Variants in ARHGEF4 observed in about 807,000 individuals in gnomAD.
The protein encoded by ARHGEF4 is Rho guanine nucleotide exchange factor 4.
In ARHGEF4, 119 loss-of-function variants were observed where a neutral mutation model predicts 162.0. The observed-to-expected ratio is 0.73, with a 90% CI of 0.63 to 0.86. ARHGEF4 has a LOEUF of 0.86. Among genes scored for constraint, ARHGEF4 ranks in the 40% least tolerant of loss-of-function variants. The probability of loss-of-function intolerance (pLI) is 0.00; values close to 1 mark genes in which losing one functional copy is unlikely to be tolerated. For synonymous variants in ARHGEF4, 1,014 were observed against 979.9 expected (o/e 1.03, Z -0.65); for missense variants, 2,488 against 2,456.0 (o/e 1.01, Z -0.28).
At chr2:131,034,188 T>C (rs982332251) in intron 5 of ARHGEF4, among the ~76,000 whole-genome samples, 3 of 152,190 alleles carry the variant, frequency 2.0e-5, no homozygotes, top group African/African-American at 7.2e-5. Flanking sequence ...CTCCAGGAAC[T>C]CTTCTTGCTC....
intron 4 of ARHGEF4, among the ~76,000 whole-genome samples, chr2:131,005,235 G>A (rs1688046140): frequency 6.6e-6 from 1 of 152,160 alleles, no homozygotes; most frequent in South Asian, 2.1e-4. Context: ...GGGCAGAGCT[G>A]ACTTGACTGT....
chr2:130,924,200 A>G (rs1462790744), intron 2 of ARHGEF4, among the ~76,000 whole-genome samples: 2 of 151,176 alleles, frequency 1.3e-5, no homozygotes, highest in Non-Finnish European at 2.9e-5. Context: ...TCTTGATAGG[A>G]TTGTTTTCCT....
At chr2:130,967,330 C>A (rs531373390) in intron 4 of ARHGEF4, among the ~76,000 whole-genome samples, 1 of 152,172 alleles carries the variant, frequency 6.6e-6, no homozygotes, top group Non-Finnish European at 1.5e-5. Flanking sequence ...CTTTCTGCCC[C>A]GCTGTTCTCA....
chr2:130,900,937 C>T lies in ARHGEF4; in HGVS notation c.40-13049C>T, dbSNP rs547081384. On this transcript the variant is annotated intron_variant, in intron 1 of 13. Coordinates refer to ENST00000409359, the MANE Select transcript of ARHGEF4 (RefSeq NM_001367493.1). ...TGCAATGCTATCCTGGTTGGCTTCT[C>T]GCTTCTGCTTGGGCCTTCTTTTGAT... is the stretch of plus-strand genomic sequence containing the variant. Among the ~76,000 whole-genome samples the T allele has an allele frequency of 3.4e-4, 51 of 152,216 alleles. No homozygotes were observed. In the South Asian group the frequency reaches 4.2e-3, roughly 12 times the overall value.
intron 5 of ARHGEF4, among the ~76,000 whole-genome samples, 188 bp from the exon 6 acceptor site, chr2:131,038,665 C>G (rs912664679): frequency 6.6e-6 from 1 of 152,242 alleles, no homozygotes; most frequent in African/African-American, 2.4e-5. Flanking sequence ...CCTTGATAAT[C>G]TAGACATGCC....
At chr2:130,995,699 A>G (rs1687336038) in intron 4 of ARHGEF4, among the ~76,000 whole-genome samples, 1 of 152,130 alleles carries the variant, frequency 6.6e-6, no homozygotes, top group Non-Finnish European at 1.5e-5. Context: ...ACTTCGGTCC[A>G]ATTTCTAATT....
intron 2 of ARHGEF4, among the ~76,000 whole-genome samples, chr2:130,926,048 C>CTTTCTCTCTCTTTCTTTCTTTCTTTCTT: frequency 3.7e-5 from 2 of 53,412 alleles, no homozygotes; most frequent in African/African-American, 1.2e-4. Flanking sequence ...TTCTTTCTTT[C>CTTTCTCTCTCTTTCTTTCTTTCTTTCTT]TCTTTCTTTC....
At chr2:130,892,961 C>T (rs536530181) in intron 1 of ARHGEF4, among the ~76,000 whole-genome samples, 41 of 152,326 alleles carry the variant, frequency 2.7e-4, no homozygotes, top group Admixed American at 2.5e-3. Flanking sequence ...CTCAGAAAGG[C>T]GTTGGTTTAC....
At chr2:131,031,459 C>T (rs573588018) in intron 5 of ARHGEF4, among the ~76,000 whole-genome samples, 1 of 152,188 alleles carries the variant, frequency 6.6e-6, no homozygotes. Flanking sequence ...TGAGTACTTG[C>T]GTCAGGGACG....
At chr2:130,913,843 C>A in intron 1 of ARHGEF4, 143 bp from the exon 2 acceptor site, 2 of 991,828 alleles carry the variant, frequency 2.0e-6, no homozygotes, top group Non-Finnish European at 1.5e-6. Flanking sequence ...GCCCTTCATA[C>A]TTACCTCCCT....
intron 3 of ARHGEF4, among the ~76,000 whole-genome samples, chr2:130,944,447 AT>A (rs900388283): frequency 3.5e-4 from 53 of 152,052 alleles, no homozygotes; most frequent in African/African-American, 8.4e-4. Context: ...TTCTATTGGG[AT>A]TTTTTCCCCC....
At chr2:130,872,562 G>A (rs1457376618) in intron 1 of ARHGEF4, among the ~76,000 whole-genome samples, 2 of 152,060 alleles carry the variant, frequency 1.3e-5, no homozygotes, top group African/African-American at 4.8e-5. Flanking sequence ...CCGTCCCCGT[G>A]ACCACTGGGT....
chr2:131,043,566 C>T lies in ARHGEF4; in HGVS notation c.5140C>T (p.Leu1714Phe), dbSNP rs761405989. 2 of 1,614,092 alleles carry T rather than the reference C, an allele frequency of 1.2e-6. No homozygotes were observed. Among genetic ancestry groups the T allele is most frequent in the East Asian group, 2.2e-5 (1 of 44,884 alleles). Residue 1714 changes from leucine (L) to phenylalanine (F), a missense_variant, in exon 11 of 14, where the codon CTC becomes TTC. Transcript: ENST00000409359. Reference protein sequence around the residue: ...QRMFFLFDHQLIYCKKDLLRR... With the variant: ...QRMFFLFDHQFIYCKKDLLRR... Reference sequence around the variant, plus strand: ...AATGTTCTTTCTCTTTGACCACCAGCTCATCTACTGTAAGAAGGTACCAGA... The same window carrying T: ...AATGTTCTTTCTCTTTGACCACCAGTTCATCTACTGTAAGAAGGTACCAGA...
rs531016682 is a variant in ARHGEF4, at chr2:130,987,345, T to C, written c.3986-40600T>C. Among the ~76,000 whole-genome samples the C allele has an allele frequency of 1.1e-4, 17 of 152,350 alleles. No homozygotes were observed. In the South Asian group the frequency reaches 2.1e-3, roughly 19 times the overall value. ...CCGCCCGGTGGGTTTGTGGTCTTGCTGACTTCAAGAATGAAGCCACAGACT... is the reference window on the plus strand; with the variant it reads ...CCGCCCGGTGGGTTTGTGGTCTTGCCGACTTCAAGAATGAAGCCACAGACT... On this transcript the variant is annotated intron_variant, in intron 4 of 13. Coordinates refer to ENST00000409359, the MANE Select transcript of ARHGEF4 (RefSeq NM_001367493.1).
intron 1 of ARHGEF4, among the ~76,000 whole-genome samples, chr2:130,873,902 G>A (rs540559466): frequency 8.0e-4 from 122 of 152,168 alleles, no homozygotes; most frequent in African/African-American, 2.4e-3. Flanking sequence ...GCCCCCTGCC[G>A]GATAGATTGC....
chr2:131,041,920 G>A lies in ARHGEF4; in HGVS notation c.5001G>A (p.Trp1667Ter). Residue 1667 changes from tryptophan to a stop codon, truncating the protein, a stop_gained, in exon 10 of 14, where the codon TGG becomes TGA. Coordinates refer to ENST00000409359, the MANE Select transcript of ARHGEF4 (RefSeq NM_001367493.1). LOFTEE classifies it high-confidence loss of function. ...RLENIDKIAQ[W>*]QSSIEDWEGE... ...AGAACATCGACAAGATTGCTCAGTG[G>A]CAGAGCTCCATAGAGGACTGGGAGG... The A allele has an allele frequency of 6.2e-7, 1 of 1,613,564 alleles. No homozygotes were observed. The highest frequency in any genetic ancestry group is 8.5e-7 in the Non-Finnish European group (1 of 1,180,016).
intron 1 of ARHGEF4, among the ~76,000 whole-genome samples, chr2:130,900,099 A>G: frequency 6.6e-6 from 1 of 152,160 alleles, no homozygotes; most frequent in East Asian, 1.9e-4. Context: ...TCTGTATGAT[A>G]TCAATTGTGT....
intron 1 of ARHGEF4, among the ~76,000 whole-genome samples, chr2:130,897,933 A>G (rs567835258): frequency 1.3e-5 from 2 of 152,356 alleles, no homozygotes; most frequent in Admixed American, 6.5e-5. Flanking sequence ...GACAGAAACT[A>G]TTTTAGCTGC....
chr2:130,982,579 C>T (rs1028732562), intron 4 of ARHGEF4, among the ~76,000 whole-genome samples: 6 of 139,482 alleles, frequency 4.3e-5, no homozygotes, highest in Non-Finnish European at 7.7e-5. Context: ...TCCCCCTTCT[C>T]CTCCCCCTCC....
Sources: allele counts gnomAD v4.1 joint callset (sites outside exome capture counted in the v4.1 genomes callset), GRCh38; gene constraint gnomAD v4.1.1; transcripts MANE v1.5; gene names NCBI Gene and HGNC (gene_info 2026-07-23, HGNC 2026-07-21).